NHSL2: variants seen among roughly 807,000 people sequenced by gnomAD.
The protein encoded by NHSL2 is NHS like 2, also known as NHS-like protein 2.
In NHSL2, 27 loss-of-function variants were observed where a neutral mutation model predicts 53.4. The ratio of observed to expected loss-of-function variants is 0.51; its 90% confidence interval spans 0.37 to 0.70. The LOEUF (loss-of-function observed/expected upper bound fraction) is 0.70, where lower values mean the gene tolerates loss of function less well. Among genes scored for constraint, NHSL2 ranks in the 30% least tolerant of loss-of-function variants. NHSL2 has a pLI of 0.00. For missense variants in NHSL2, 892 were observed against 980.1 expected (o/e 0.91, Z 1.20); for synonymous variants, 408 against 404.1 (o/e 1.01, Z -0.12).
chrX:72,022,798 A>G (rs2042166587), intron 1 of NHSL2, among the ~76,000 whole-genome samples: 1 of 111,113 alleles, frequency 9.0e-6, no homozygotes, highest in Admixed American at 9.5e-5. Flanking sequence ...GCTTAACTTA[A>G]TCCCCACTTT....
At chrX:71,914,564 T>C (rs986665894) in intron 1 of NHSL2, among the ~76,000 whole-genome samples, 1 of 112,251 alleles carries the variant, frequency 8.9e-6, no homozygotes, top group African/African-American at 3.2e-5. Flanking sequence ...TATTTTGGCT[T>C]GAATACAGCC....
chrX:71,988,706 G>A (rs1028703608), intron 1 of NHSL2, among the ~76,000 whole-genome samples: 2 of 111,298 alleles, frequency 1.8e-5, no homozygotes, highest in Non-Finnish European at 3.8e-5. Context: ...CCTCAGTATC[G>A]TTCCTTCAGG....
intron 1 of NHSL2, among the ~76,000 whole-genome samples, chrX:71,980,101 G>T (rs2041968541): frequency 8.9e-6 from 1 of 111,733 alleles, no homozygotes; most frequent in Non-Finnish European, 1.9e-5. Context: ...TGAGGGCTCT[G>T]TTCTGTTCCA....
chrX:71,977,146 T>C (rs776220372), intron 1 of NHSL2, among the ~76,000 whole-genome samples: 24 of 111,909 alleles, frequency 2.1e-4, no homozygotes, highest in Admixed American at 8.6e-4. Flanking sequence ...GCATAGCAGT[T>C]AGGTGCCCCA....
intron 1 of NHSL2, among the ~76,000 whole-genome samples, chrX:72,122,022 G>A (rs1253328662): frequency 1.8e-5 from 2 of 111,866 alleles, no homozygotes; most frequent in South Asian, 7.3e-4. Flanking sequence ...GTGATTTAGC[G>A]CATTATGAAA....
intron 1 of NHSL2, among the ~76,000 whole-genome samples, chrX:72,119,643 T>C (rs1199092314): frequency 8.9e-6 from 1 of 112,480 alleles, no homozygotes; most frequent in African/African-American, 3.2e-5. Context: ...GTTTTAATAG[T>C]TTTTTAGTGG....
intron 1 of NHSL2, among the ~76,000 whole-genome samples, chrX:72,065,040 C>T (rs760124706): frequency 7.4e-4 from 82 of 111,472 alleles, no homozygotes; most frequent in Admixed American, 1.8e-3. Context: ...ATCAGAACAG[C>T]GCCTCCAGCA....
intron 1 of NHSL2, chrX:72,130,220 C>G: frequency 8.3e-7 from 1 of 1,210,328 alleles, no homozygotes; most frequent in Non-Finnish European, 1.1e-6. Flanking sequence ...GTCCCTGGAT[C>G]CTGCTGTGGC....
chrX:72,056,593 C>CT (rs1158359163), intron 1 of NHSL2, among the ~76,000 whole-genome samples: 21 of 111,992 alleles, frequency 1.9e-4, no homozygotes, highest in Non-Finnish European at 1.7e-4. Flanking sequence ...CACACACAGA[C>CT]TGGCATGTCC....
intron 1 of NHSL2, among the ~76,000 whole-genome samples, chrX:71,982,556 C>T (rs984039875): frequency 1.8e-5 from 2 of 111,797 alleles, no homozygotes; most frequent in African/African-American, 6.5e-5. Flanking sequence ...ACTTTCAGCC[C>T]AACCTCCAGG....
intron 1 of NHSL2, chrX:72,130,507 C>T (rs2042280033): frequency 8.3e-7 from 1 of 1,211,066 alleles, no homozygotes; most frequent in Non-Finnish European, 1.1e-6. Context: ...TTCATCTTCA[C>T]TGTAGTACTC....
intron 1 of NHSL2, among the ~76,000 whole-genome samples, chrX:72,118,953 A>G (rs1044477044): frequency 1.3e-4 from 15 of 111,422 alleles, no homozygotes; most frequent in Admixed American, 4.8e-4. Context: ...TTGTCTATAT[A>G]TGAGAATGAA....
chrX:71,911,585 T>A (rs1872358973), intron 1 of NHSL2, among the ~76,000 whole-genome samples: 1 of 111,943 alleles, frequency 8.9e-6, no homozygotes, highest in South Asian at 3.7e-4. Flanking sequence ...GGTCGCGCCG[T>A]CCGGAGTGGC....
chrX:72,038,542 A>C (rs1323059166), intron 1 of NHSL2, among the ~76,000 whole-genome samples: 1 of 112,131 alleles, frequency 8.9e-6, no homozygotes, highest in Non-Finnish European at 1.9e-5. Context: ...TCTGTTTCCA[A>C]TTCCCATGCA....
At chrX:71,925,175 T>C (rs1447899039) in intron 1 of NHSL2, among the ~76,000 whole-genome samples, 1 of 111,991 alleles carries the variant, frequency 8.9e-6, no homozygotes, top group Admixed American at 9.5e-5. Flanking sequence ...ACTGTGAACC[T>C]CGTAACACCC....
intron 1 of NHSL2, among the ~76,000 whole-genome samples, chrX:71,970,764 C>T (rs949714658): frequency 9.2e-6 from 1 of 109,024 alleles, no homozygotes; most frequent in Non-Finnish European, 1.9e-5. Flanking sequence ...TTCTTTCACT[C>T]GTTCCTTAAG....
At chrX:72,014,772 T>A (rs1188496288) in intron 1 of NHSL2, among the ~76,000 whole-genome samples, 1 of 110,331 alleles carries the variant, frequency 9.1e-6, no homozygotes, top group Non-Finnish European at 1.9e-5. Context: ...GATGAGATGT[T>A]CTATAAATGT....
chrX:72,016,487 A>C (rs2042136388), intron 1 of NHSL2, among the ~76,000 whole-genome samples: 1 of 112,254 alleles, frequency 8.9e-6, no homozygotes, highest in Admixed American at 9.4e-5. Context: ...TCAGTTTGTC[A>C]GGTTCTGTGA....
At chrX:72,031,909 C>T (rs1159874898) in intron 1 of NHSL2, among the ~76,000 whole-genome samples, 1 of 111,762 alleles carries the variant, frequency 8.9e-6, no homozygotes, top group Non-Finnish European at 1.9e-5. Context: ...ATGTTGACAT[C>T]TTACACAACT....
Sources: allele counts gnomAD v4.1 joint callset (sites outside exome capture counted in the v4.1 genomes callset), GRCh38; gene constraint gnomAD v4.1.1; transcripts MANE v1.5; gene names NCBI Gene and HGNC (gene_info 2026-07-23, HGNC 2026-07-21).